DLGAP1: variants seen among roughly 807,000 people sequenced by gnomAD.
DLGAP1 encodes the protein DLG associated protein 1.
DLGAP1 carries 11 observed loss-of-function variants against 90.8 expected under a neutral mutation model. That is an observed-to-expected ratio of 0.12 (90% confidence interval 0.08 to 0.20). The LOEUF (loss-of-function observed/expected upper bound fraction) is 0.20. Ranked by LOEUF, DLGAP1 falls within the 10% of genes least tolerant of loss-of-function variation. The pLI is 1.00. For missense variants in DLGAP1, 1,050 were observed against 1,333.8 expected (o/e 0.79, Z 3.31); for synonymous variants, 558 against 540.7 (o/e 1.03, Z -0.44).
intron 7 of DLGAP1, among the ~76,000 whole-genome samples, chr18:3,611,417 G>A (rs528792298): frequency 9.2e-5 from 14 of 152,136 alleles, no homozygotes; most frequent in African/African-American, 3.4e-4. Flanking sequence ...GTCCTGACCG[G>A]CTCTACCACT....
intron 1 of DLGAP1, among the ~76,000 whole-genome samples, chr18:4,256,743 T>G (rs561104571): frequency 1.3e-4 from 20 of 152,318 alleles, no homozygotes; most frequent in South Asian, 8.3e-4. Context: ...GTAGTGAAAC[T>G]GTATAAATCA....
chr18:3,991,727 C>T (rs1009603832), intron 3 of DLGAP1, among the ~76,000 whole-genome samples: 4 of 152,212 alleles, frequency 2.6e-5, no homozygotes, highest in Non-Finnish European at 5.9e-5. Context: ...TAATATCTCA[C>T]CCACTCTCCA....
intron 5 of DLGAP1, among the ~76,000 whole-genome samples, chr18:3,748,154 A>G (rs549506232): frequency 4.4e-4 from 67 of 152,246 alleles, no homozygotes; most frequent in Admixed American, 7.9e-4. Context: ...AGCTTATCAG[A>G]ACTAAAGGGA....
intron 5 of DLGAP1, among the ~76,000 whole-genome samples, chr18:3,743,011 T>C (rs2063124656): frequency 6.7e-6 from 1 of 150,168 alleles, no homozygotes; most frequent in African/African-American, 2.5e-5. Context: ...AACTCTCTAA[T>C]ATAGTTGAAA....
At chr18:4,253,239 T>C (rs980856335) in intron 1 of DLGAP1, among the ~76,000 whole-genome samples, 1 of 152,166 alleles carries the variant, frequency 6.6e-6, no homozygotes, top group South Asian at 2.1e-4. Context: ...CAGCCCTAAC[T>C]AACCCCTTGC....
intron 1 of DLGAP1, among the ~76,000 whole-genome samples, chr18:4,427,923 G>T (rs1217826350): frequency 6.6e-6 from 1 of 152,162 alleles, no homozygotes; most frequent in Non-Finnish European, 1.5e-5. Context: ...AATCATTTCA[G>T]AATACAAAGA....
intron 1 of DLGAP1, chr18:4,293,861 T>A (rs1418272560): frequency 6.6e-6 from 1 of 152,216 alleles, no homozygotes; most frequent in Non-Finnish European, 1.5e-5. Context: ...ATGAGATTGA[T>A]CACTTAAAAG....
intron 7 of DLGAP1, among the ~76,000 whole-genome samples, chr18:3,633,741 C>T (rs2058601468): frequency 6.6e-6 from 1 of 152,170 alleles, no homozygotes; most frequent in Admixed American, 6.5e-5. Flanking sequence ...AGGTAATTCA[C>T]ATATGCACAC....
chr18:4,262,693 C>T (rs1364678478), intron 1 of DLGAP1, among the ~76,000 whole-genome samples: 2 of 152,170 alleles, frequency 1.3e-5, no homozygotes, highest in East Asian at 1.9e-4. Flanking sequence ...AGTGGGCACA[C>T]TCTCTGTACC....
intron 1 of DLGAP1, among the ~76,000 whole-genome samples, chr18:4,328,146 A>T (rs2080865871): frequency 6.6e-6 from 1 of 151,570 alleles, no homozygotes; most frequent in Non-Finnish European, 1.5e-5. Flanking sequence ...CCCCAAATTC[A>T]ATCACCTATT....
intron 7 of DLGAP1, among the ~76,000 whole-genome samples, chr18:3,649,519 C>T (rs150336853): frequency 3.9e-4 from 60 of 152,256 alleles, no homozygotes; most frequent in African/African-American, 1.3e-3. Context: ...AAGAGGAAAG[C>T]GGGAAGGAGA....
chr18:3,658,432 C>A (rs1254866820), intron 7 of DLGAP1, among the ~76,000 whole-genome samples: 1 of 152,166 alleles, frequency 6.6e-6, no homozygotes, highest in East Asian at 1.9e-4. Context: ...CAGGGAAGAC[C>A]TTGAACTTCA....
At chr18:4,332,902 T>TA (rs1312245054) in intron 1 of DLGAP1, among the ~76,000 whole-genome samples, 1 of 151,946 alleles carries the variant, frequency 6.6e-6, no homozygotes, top group Admixed American at 6.5e-5. Context: ...CTATTTATTT[T>TA]AAAAAATCGA....
chr18:3,531,932 C>T (rs560097257), intron 10 of DLGAP1, among the ~76,000 whole-genome samples: 7 of 152,114 alleles, frequency 4.6e-5, no homozygotes, highest in South Asian at 2.1e-4. Context: ...CTCAGCTTGC[C>T]GCAACCTCTG....
chr18:3,871,800 A>G (rs1383348256), intron 4 of DLGAP1, among the ~76,000 whole-genome samples: 1 of 152,248 alleles, frequency 6.6e-6, no homozygotes, highest in Non-Finnish European at 1.5e-5. Context: ...GATCAAAAAC[A>G]GCATGTGTAT....
Position 3,668,763 on chromosome 18 carries a change from C to T in DLGAP1, c.1591+60372G>A, listed in dbSNP as rs146634993. The stretch of plus-strand genomic sequence containing the variant: ...ATGGAATCCCAGCACTTTGGGAGGC[C>T]GAGGCAGGCAGATCACCTAAGGCCA... On this transcript the variant is annotated intron_variant, in intron 7 of 12. Transcript: ENST00000315677. Among the ~76,000 whole-genome samples the T allele has an allele frequency of 3.4e-3, 514 of 152,226 alleles. 3 individuals carry two copies. The highest frequency in any genetic ancestry group is 0.012 in the African/African-American group (493 of 41,538).
chr18:4,358,387 A>T (rs1197103228), intron 1 of DLGAP1, among the ~76,000 whole-genome samples: 1 of 152,192 alleles, frequency 6.6e-6, no homozygotes, highest in East Asian at 1.9e-4. Context: ...AATGGTCCTT[A>T]AAGAAGGAAA....
intron 9 of DLGAP1, among the ~76,000 whole-genome samples, chr18:3,562,304 G>A (rs1325657446): frequency 6.6e-6 from 1 of 151,916 alleles, no homozygotes; most frequent in Non-Finnish European, 1.5e-5. Flanking sequence ...GATTGCTTAG[G>A]GCCAGGAGTT....
chr18:3,519,895 C>G (rs1599029151), intron 10 of DLGAP1, among the ~76,000 whole-genome samples: 1 of 152,098 alleles, frequency 6.6e-6, no homozygotes, highest in East Asian at 1.9e-4. Flanking sequence ...AAAAATTACC[C>G]AGTCTTGAGC....
Sources: allele counts gnomAD v4.1 joint callset (sites outside exome capture counted in the v4.1 genomes callset), GRCh38; gene constraint gnomAD v4.1.1; transcripts MANE v1.5; gene names NCBI Gene and HGNC (gene_info 2026-07-23, HGNC 2026-07-21).